LTBP2: variants seen among roughly 807,000 people sequenced by gnomAD.
LTBP2 encodes the protein latent transforming growth factor beta binding protein 2.
LTBP2 carries 103 observed loss-of-function variants against 210.6 expected under a neutral mutation model. That is an observed-to-expected ratio of 0.49 (90% CI 0.42 to 0.58). LTBP2 has a LOEUF of 0.58. LTBP2 is among the 20% of genes least tolerant of loss of function. The probability of loss-of-function intolerance (pLI) is 0.00; values close to 1 mark genes in which losing one functional copy is unlikely to be tolerated. For missense variants in LTBP2, 2,313 were observed against 2,494.5 expected (o/e 0.93, Z 1.55); for synonymous variants, 1,007 against 1,015.0 (o/e 0.99, Z 0.15).
At position 74,515,234 on chromosome 14, in the gene LTBP2, C is replaced by T. The variant is rs536337694; in HGVS notation, c.2908+1588G>A. On this transcript the variant is annotated intron_variant, in intron 18 of 35. Coordinates refer to ENST00000261978, the MANE Select transcript of LTBP2 (RefSeq NM_000428.3). ...CCAGAGCCTGTGCCCTTCACACAGA[C>T]TGGTTAATATAAATCTGATTTTTTT... 8.2e-4 allele frequency among the ~76,000 whole-genome samples: 123 copies of T among 150,052 alleles called. 2 individuals are homozygous for T. The highest frequency in any genetic ancestry group is 2.5e-3 in the Admixed American group (37 of 14,932).
chr14:74,610,588 A>T (rs1168604144), intron 1 of LTBP2, among the ~76,000 whole-genome samples: 1 of 152,118 alleles, frequency 6.6e-6, no homozygotes, highest in Non-Finnish European at 1.5e-5. Context: ...CCTCCATTCC[A>T]GAGGCACCTG....
rs377144002 is a variant in LTBP2, at chr14:74,507,953, C to T, written c.3775+20G>A. The T allele has an allele frequency of 3.1e-6, 5 of 1,612,144 alleles. No homozygotes were observed. The highest frequency in any genetic ancestry group is 4.2e-6 in the Non-Finnish European group (5 of 1,179,918). Reference sequence around the variant, plus strand: ...GGCAGATGTGGGCAGAGCCCTGTGCCCTCCCCCCAGAGCCCTTACCCACAC... The same window carrying T: ...GGCAGATGTGGGCAGAGCCCTGTGCTCTCCCCCCAGAGCCCTTACCCACAC... On this transcript the variant is annotated intron_variant, in intron 25 of 35. Transcript: ENST00000261978.
At chr14:74,564,359 A>ATATATT (rs1555351757) in intron 3 of LTBP2, among the ~76,000 whole-genome samples, 2 of 16,782 alleles carry the variant, frequency 1.2e-4, no homozygotes, top group East Asian at 2.2e-3. Context: ...ATATATTTAT[A>ATATATT]TATATATTTA....
intron 3 of LTBP2, 21 bp from the exon 4 acceptor site, chr14:74,555,714 C>T (rs762553269): frequency 9.4e-6 from 14 of 1,488,942 alleles, no homozygotes; most frequent in African/African-American, 1.4e-5. Flanking sequence ...AACCGCGGCA[C>T]GGGGGTTTGC....
At position 74,503,385 on chromosome 14, in the gene LTBP2, C is replaced by T. The variant is rs373231546; in HGVS notation, c.4722G>A (p.Glu1574=). The stretch of plus-strand genomic sequence containing the variant: ...TGTGGATGTCGTGGTCAGGGAGGTC[C>T]TCTGGTGGCACAGGGCACGGAGGCA... The part of the protein sequence containing the change: ...QRCMNSTSST[E]DLPDHDIHMD... Residue 1574 remains glutamate, a splice_region_variant and synonymous_variant, in exon 33 of 36, where the codon GAG becomes GAA. Transcript: ENST00000261978. 2 of 1,612,484 alleles carry T rather than the reference C, an allele frequency of 1.2e-6. No individual in the cohort carries two copies. Among genetic ancestry groups the T allele is most frequent in the South Asian group, 2.2e-5 (2 of 90,986 alleles).
chr14:74,518,652 T>A (rs1321574599), intron 17 of LTBP2, among the ~76,000 whole-genome samples: 4 of 152,218 alleles, frequency 2.6e-5, no homozygotes, highest in Non-Finnish European at 5.9e-5. Context: ...ACTGAAGGAA[T>A]TGAATAATAA....
chr14:74,595,624 C>T (rs1280018657), intron 2 of LTBP2, among the ~76,000 whole-genome samples: 2 of 152,110 alleles, frequency 1.3e-5, no homozygotes, highest in Non-Finnish European at 2.9e-5. Context: ...CCAGGATGGT[C>T]GGGAAGGATG....
intron 4 of LTBP2, among the ~76,000 whole-genome samples, chr14:74,554,323 A>G (rs2087701525): frequency 6.6e-6 from 1 of 151,818 alleles, no homozygotes; most frequent in African/African-American, 2.4e-5. Flanking sequence ...AACATGCAAG[A>G]CCCTATCTCT....
intron 9 of LTBP2, among the ~76,000 whole-genome samples, chr14:74,535,216 G>A (rs1477549075): frequency 6.6e-6 from 1 of 152,106 alleles, no homozygotes; most frequent in Non-Finnish European, 1.5e-5. Context: ...GCCCAGCCAT[G>A]CAGAGCTTCC....
intron 8 of LTBP2, among the ~76,000 whole-genome samples, chr14:74,548,267 G>T (rs957202939): frequency 6.6e-6 from 1 of 151,494 alleles, no homozygotes; most frequent in Admixed American, 6.6e-5. Context: ...TTGCACAAAG[G>T]TGCTACTGGA....
chr14:74,603,817 G>T, intron 1 of LTBP2, 112 bp from the exon 2 acceptor site: 1 of 829,146 alleles, frequency 1.2e-6, no homozygotes, highest in Non-Finnish European at 2.1e-6. Flanking sequence ...AACATGGAGA[G>T]GCTGGGAAGG....
intron 15 of LTBP2, among the ~76,000 whole-genome samples, chr14:74,524,889 C>CG (rs1409640895): frequency 6.6e-6 from 1 of 152,212 alleles, no homozygotes; most frequent in East Asian, 1.9e-4. Context: ...TTCTCTTCCC[C>CG]CTTCTGGGCT....
In LTBP2 at chr14:74,504,047, A is replaced by G; in HGVS notation, c.4461T>C (p.Asp1487=). 3.1e-6 allele frequency: 5 copies of G among 1,613,922 alleles called. No homozygotes were observed. Among genetic ancestry groups the G allele is most frequent in the Non-Finnish European group, 4.2e-6 (5 of 1,179,968 alleles). ...GACCAGGCCCGAATATCACACACTCATCCGCATCTGTGGAAGGCAGAGCTG... is the reference window on the plus strand; with the variant it reads ...GACCAGGCCCGAATATCACACACTCGTCCGCATCTGTGGAAGGCAGAGCTG... ...TFGQTMYTDA[D]ECVIFGPGLC... is the part of the protein sequence containing the mutation. Residue 1487 remains aspartate, a synonymous_variant, in exon 31 of 36, where the codon GAT becomes GAC. Coordinates refer to ENST00000261978, the MANE Select transcript of LTBP2 (RefSeq NM_000428.3).
At chr14:74,518,568 C>T (rs1208462373) in intron 17 of LTBP2, among the ~76,000 whole-genome samples, 1 of 152,222 alleles carries the variant, frequency 6.6e-6, no homozygotes, top group Admixed American at 6.5e-5. Flanking sequence ...TTACTTGCTT[C>T]TCCCTGACTA....
At chr14:74,581,382 G>A (rs982749031) in intron 3 of LTBP2, among the ~76,000 whole-genome samples, 1 of 152,206 alleles carries the variant, frequency 6.6e-6, no homozygotes, top group South Asian at 2.1e-4. Context: ...GATTATCTTG[G>A]TGGGCCCAGG....
chr14:74,610,995 C>T (rs890377675), intron 1 of LTBP2, among the ~76,000 whole-genome samples: 9 of 152,200 alleles, frequency 5.9e-5, no homozygotes, highest in African/African-American at 1.9e-4. Flanking sequence ...GACGCATCTA[C>T]CTTCTCTCCA....
At chr14:74,510,841 C>T (rs925092836) in intron 19 of LTBP2, among the ~76,000 whole-genome samples, 2 of 152,222 alleles carry the variant, frequency 1.3e-5, no homozygotes, top group African/African-American at 4.8e-5. Flanking sequence ...GAGGGAGGAG[C>T]GCCCCGCTGT....
Position 74,522,825 on chromosome 14 carries a change from C to G in LTBP2, c.2624G>C (p.Gly875Ala). The change falls in exon 16 of 36, where the codon GGC becomes GCC. Residue 875 changes from glycine to alanine, a missense_variant. Gly to Ala is a moderately conservative substitution (Grantham distance 60). Around this residue, in one of 3 missense-constraint regions of LTBP2, gnomAD observed 1,867 missense variants for 1,976.9 expected, o/e 0.94. Transcript: ENST00000261978. The part of the protein sequence containing the change: ...PDGYRCVCSP[G>A]YQLHPSQAYC... The stretch of plus-strand genomic sequence containing the variant: ...GGCCTGGCTGGGGTGCAGCTGGTAG[C>G]CAGGGCTGCAGACACATCTGTATCC... The G allele has an allele frequency of 6.2e-7, 1 of 1,611,974 alleles. No individual in the cohort carries two copies. The highest frequency in any genetic ancestry group is 8.5e-7 in the Non-Finnish European group (1 of 1,179,222).
At chr14:74,507,400 T>C in intron 25 of LTBP2, 90 bp from the exon 26 acceptor site, 1 of 1,553,358 alleles carries the variant, frequency 6.4e-7, no homozygotes, top group Non-Finnish European at 8.9e-7. Flanking sequence ...CCTCTGGGGT[T>C]CTTGATCTAT....
Sources: gnomAD v4.1 joint callset for allele counts (sites outside exome capture counted in the v4.1 genomes callset) on GRCh38, gnomAD v4.1.1 for gene constraint, gnomAD v4.1.1 regional missense constraint, MANE v1.5 for transcripts, NCBI Gene and HGNC (gene_info 2026-07-23, HGNC 2026-07-21) for gene names.